The following ISX variants were observed in gnomAD, a reference collection of about 807,000 sequenced individuals.
The protein encoded by ISX is intestine-specific homeobox.
Under a neutral mutation model 16.9 loss-of-function variants are expected in ISX, and 15 were observed. The observed-to-expected ratio is 0.89, with a 90% CI of 0.59 to 1.36. The LOEUF (loss-of-function observed/expected upper bound fraction) is 1.36. Among genes scored for constraint, ISX ranks in the 40% most tolerant of loss-of-function variants. The pLI, the probability that ISX is intolerant of heterozygous loss-of-function variation, is 0.00. For synonymous variants in ISX, 125 were observed against 119.7 expected (o/e 1.04, Z -0.29); for missense variants, 316 against 306.1 (o/e 1.03, Z -0.24).
In ISX at chr22:35,087,235, T is replaced by C. The variant is rs1929277133; in HGVS notation, c.*1542T>C. 6.6e-6 allele frequency: 1 copy of C among 152,192 alleles called. No individual in the cohort carries two copies. 9.4% of individuals were successfully genotyped at this position (152,192 alleles called of 1,614,324 possible). On this transcript the variant is annotated 3_prime_UTR_variant, in exon 5 of 5. Coordinates refer to ENST00000404699, the MANE Select transcript of ISX (RefSeq NM_001303508.2). ...AATGTGGATATCAACACCAGGTCTC[T>C]AGCACCGCTGGATGAAAGGAGAAGG...
At chr22:35,083,620 T>C (rs192674957) in intron 3 of ISX, among the ~76,000 whole-genome samples, 5 of 152,376 alleles carry the variant, frequency 3.3e-5, no homozygotes, top group East Asian at 3.9e-4. Flanking sequence ...GTTGCTCTCC[T>C]TTTTTTCTTT....
At chr22:35,078,387 C>A (rs974793264) in intron 2 of ISX, among the ~76,000 whole-genome samples, 2 of 152,194 alleles carry the variant, frequency 1.3e-5, no homozygotes, top group Non-Finnish European at 2.9e-5. Context: ...TGCCATTTCT[C>A]TCTACATCAA....
At chr22:35,074,354 A>C (rs543960280) in intron 2 of ISX, among the ~76,000 whole-genome samples, 1 of 152,294 alleles carries the variant, frequency 6.6e-6, no homozygotes, top group Admixed American at 6.5e-5. Flanking sequence ...TGGAGTCTTC[A>C]TCTTGCTGTT....
intron 2 of ISX, among the ~76,000 whole-genome samples, chr22:35,074,349 T>A (rs1928927985): frequency 6.6e-6 from 1 of 151,956 alleles, no homozygotes. Flanking sequence ...TTGTCTGGAG[T>A]CTTCATCTTG....
At chr22:35,072,038 C>A (rs1403526072) in intron 2 of ISX, among the ~76,000 whole-genome samples, 1 of 152,182 alleles carries the variant, frequency 6.6e-6, no homozygotes, top group Non-Finnish European at 1.5e-5. Context: ...CCAGGAGCTC[C>A]CATCAGAGCA....
At chr22:35,070,053 A>T (rs1400702693) in intron 2 of ISX, among the ~76,000 whole-genome samples, 1 of 152,180 alleles carries the variant, frequency 6.6e-6, no homozygotes, top group East Asian at 1.9e-4. Context: ...CTGAGACTCA[A>T]TAAGGTGAAG....
rs1928715612 is a variant in ISX, at chr22:35,067,007, C to T, written c.-81C>T. ...TTCACCTCCACGCGCCCTCTTGACC[C>T]CAGGAGGTTCAGGGGAGGAAGTACG... On this transcript the variant is annotated 5_prime_UTR_variant, in exon 2 of 5. Transcript: ENST00000404699. 1 of 1,055,050 alleles carries T rather than the reference C, an allele frequency of 9.5e-7. No homozygotes were observed. Among genetic ancestry groups the T allele is most frequent in the Non-Finnish European group, 1.4e-6 (1 of 706,880 alleles). The allele number at this position is 1,055,050 out of a possible 1,614,324, so 65.4% of individuals were successfully genotyped here.
Position 35,080,004 on chromosome 22 carries a change from A to C in ISX, c.230-2514A>C, listed in dbSNP as rs147418510. On this transcript the variant is annotated intron_variant, in intron 2 of 4. Coordinates refer to ENST00000404699, the MANE Select transcript of ISX (RefSeq NM_001303508.2). ...AATGGGGCAATCTTCCTTACTCTCC[A>C]TTGTGTGGCCAGGTTCAAGGACCAC... 3.3e-5 allele frequency among the ~76,000 whole-genome samples: 5 copies of C among 152,174 alleles called. No individual in the cohort carries two copies. The East Asian group carries it at 7.7e-4, about 23-fold the overall frequency.
At chr22:35,067,427 T>C (rs777770889) in intron 2 of ISX, 111 bp downstream of exon 2, 11 of 733,152 alleles carry the variant, frequency 1.5e-5, no homozygotes, top group Non-Finnish European at 2.5e-5. Flanking sequence ...GACTCTAAAA[T>C]TCAGAGCAAG....
chr22:35,080,643 T>C (rs2146293689), intron 2 of ISX, among the ~76,000 whole-genome samples: 1 of 152,316 alleles, frequency 6.6e-6, no homozygotes, highest in South Asian at 2.1e-4. Flanking sequence ...ACTAATCACA[T>C]CCACCACCAC....
Position 35,086,321 on chromosome 22 carries a change from CTG to C in ISX, c.*631_*632del, listed in dbSNP as rs1384757063. ...CCCAAGTCTAACACATTCTTTATGA[CTG>C]TGAGCATCTCAGAGTGAGAGAAAAA... On this transcript the variant is annotated 3_prime_UTR_variant, in exon 5 of 5. Coordinates refer to ENST00000404699, the MANE Select transcript of ISX (RefSeq NM_001303508.2). The C allele has an allele frequency of 6.5e-6, 1 of 154,112 alleles. No individual in the cohort carries two copies. The highest frequency in any genetic ancestry group is 1.4e-5 in the Non-Finnish European group (1 of 69,320). The allele number at this position is 154,112 out of a possible 1,614,324, so 9.5% of individuals were successfully genotyped here. A position where few individuals can be genotyped will look rare whatever the true frequency, so the allele number is the denominator to read the frequency against.
chr22:35,077,378 T>A (rs2146291894), intron 2 of ISX, among the ~76,000 whole-genome samples: 1 of 152,326 alleles, frequency 6.6e-6, no homozygotes, highest in Non-Finnish European at 1.5e-5. Context: ...CACAGCCTCC[T>A]CTTTTCCTGT....
chr22:35,086,114 A>T lies in ISX; in HGVS notation c.*421A>T. On this transcript the variant is annotated 3_prime_UTR_variant, in exon 5 of 5. Coordinates refer to ENST00000404699, the MANE Select transcript of ISX (RefSeq NM_001303508.2). The stretch of plus-strand genomic sequence containing the variant: ...CATGGTGGGCACTGAGGCACAGAGG[A>T]GGCCAAGGAGAGGTTGTTTGTTCAT... The T allele has an allele frequency of 3.6e-6, 1 of 275,816 alleles. No homozygotes were observed. The highest frequency in any genetic ancestry group is 7.0e-6 in the Non-Finnish European group (1 of 142,174). 17.1% of individuals were successfully genotyped at this position (275,816 alleles called of 1,614,324 possible).
At chr22:35,082,788 G>A (rs1929154073) in intron 3 of ISX, 119 bp downstream of exon 3, 1 of 980,914 alleles carries the variant, frequency 1.0e-6, no homozygotes. Context: ...GCTTTATCCT[G>A]TGAGTACAGT....
intron 2 of ISX, among the ~76,000 whole-genome samples, chr22:35,082,172 T>G (rs1929136289): frequency 6.6e-6 from 1 of 152,264 alleles, no homozygotes; most frequent in South Asian, 2.1e-4. Flanking sequence ...TAATAAAACT[T>G]TATTTAAAGA....
At chr22:35,083,824 C>T (rs1266271867) in intron 3 of ISX, among the ~76,000 whole-genome samples, 1 of 152,240 alleles carries the variant, frequency 6.6e-6, no homozygotes, top group Non-Finnish European at 1.5e-5. Context: ...CCTGCCTATG[C>T]AGAATTACCA....
chr22:35,085,889 T>C lies in ISX; in HGVS notation c.*196T>C. ...ACTAAACAATAAAGGACAGCTCTCT[T>C]CTCTCCTGGCTAAAGCTGCTCTCCT... is the stretch of plus-strand genomic sequence containing the variant. On this transcript the variant is annotated 3_prime_UTR_variant, in exon 5 of 5. Transcript: ENST00000404699. 3.1e-6 allele frequency: 2 copies of C among 636,802 alleles called. No homozygotes were observed. The highest frequency in any genetic ancestry group is 1.9e-5 in the South Asian group (1 of 51,476). The allele number at this position is 636,802 out of a possible 1,614,324, so 39.4% of individuals were successfully genotyped here.
rs1357699870 is a variant in ISX, at chr22:35,086,242, T to A, written c.*549T>A. 1 of 161,684 alleles carries A rather than the reference T, an allele frequency of 6.2e-6. No homozygotes were observed. Among genetic ancestry groups the A allele is most frequent in the African/African-American group, 2.4e-5 (1 of 41,540 alleles). The allele number at this position is 161,684 out of a possible 1,614,324, so 10.0% of individuals were successfully genotyped here. A position where few individuals can be genotyped will look rare whatever the true frequency, so the allele number is the denominator to read the frequency against. On this transcript the variant is annotated 3_prime_UTR_variant, in exon 5 of 5. Transcript: ENST00000404699. ...GGTTCTGTCCACGTTTGTCAAAAGGTGGTGCTGGCCCACCTCTGAAAGCAG... is the reference window on the plus strand; with the variant it reads ...GGTTCTGTCCACGTTTGTCAAAAGGAGGTGCTGGCCCACCTCTGAAAGCAG...
intron 2 of ISX, among the ~76,000 whole-genome samples, chr22:35,073,640 A>C (rs1358142491): frequency 2.0e-5 from 3 of 152,208 alleles, no homozygotes; most frequent in African/African-American, 7.2e-5. Context: ...CGGAGGTCAG[A>C]AAATGCTTCC....
Sources: gnomAD v4.1 joint callset for allele counts (sites outside exome capture counted in the v4.1 genomes callset) on GRCh38, gnomAD v4.1.1 for gene constraint, MANE v1.5 for transcripts, NCBI Gene and HGNC (gene_info 2026-07-23, HGNC 2026-07-21) for gene names.